CEP85L: variants seen among roughly 807,000 people sequenced by gnomAD.
CEP85L encodes the protein centrosomal protein of 85 kDa-like.
CEP85L carries 60 observed loss-of-function variants against 100.3 expected under a neutral mutation model. That is an observed-to-expected ratio of 0.60 (90% CI 0.49 to 0.74). The LOEUF (loss-of-function observed/expected upper bound fraction) is 0.74, where lower values mean the gene tolerates loss of function less well. Ranked by LOEUF, CEP85L falls within the 30% of genes least tolerant of loss-of-function variation. CEP85L has a pLI of 0.00. For missense variants in CEP85L, 973 were observed against 936.2 expected (o/e 1.04, Z -0.51); for synonymous variants, 319 against 322.7 (o/e 0.99, Z 0.12).
At chr6:118,469,372 T>A in intron 11 of CEP85L, 69 bp from the exon 12 acceptor site, 1 of 1,210,140 alleles carries the variant, frequency 8.3e-7, no homozygotes, top group Non-Finnish European at 1.2e-6. Flanking sequence ...CCATACAGGT[T>A]AACATTCTCC....
chr6:118,604,418 T>C (rs62422221), intron 2 of CEP85L, among the ~76,000 whole-genome samples: 20,325 of 152,238 alleles, frequency 0.13, 1,727 homozygotes, highest in Non-Finnish European at 0.18. Context: ...CTGTTCAAAC[T>C]TTTAGCTTTA....
intron 1 of CEP85L, among the ~76,000 whole-genome samples, chr6:118,709,352 G>A (rs1249657982): frequency 6.6e-6 from 1 of 152,132 alleles, no homozygotes; most frequent in Non-Finnish European, 1.5e-5. Context: ...GCTTTGTAAA[G>A]TATGTCAAAC....
intron 2 of CEP85L, among the ~76,000 whole-genome samples, chr6:118,629,133 T>C (rs9489481): frequency 0.029 from 4,409 of 152,152 alleles, 106 homozygotes; most frequent in African/African-American, 0.056. Context: ...TAGAGATGAT[T>C]TAAAGTATAC....
intron 1 of CEP85L, among the ~76,000 whole-genome samples, chr6:118,705,055 T>C (rs1238810700): frequency 1.3e-5 from 2 of 152,188 alleles, no homozygotes; most frequent in Non-Finnish European, 2.9e-5. Context: ...CATTCCTTTA[T>C]TCCCTGCTGT....
chr6:118,540,030 A>G (rs1390419615), intron 3 of CEP85L, among the ~76,000 whole-genome samples: 1 of 151,858 alleles, frequency 6.6e-6, no homozygotes, highest in Non-Finnish European at 1.5e-5. Context: ...AACAGGAACA[A>G]GTTGATTGCT....
At chr6:118,707,529 C>T (rs1777634041) in intron 1 of CEP85L, among the ~76,000 whole-genome samples, 1 of 152,184 alleles carries the variant, frequency 6.6e-6, no homozygotes, top group Non-Finnish European at 1.5e-5. Context: ...TTCAATTCTA[C>T]AGTGAGGAAG....
At chr6:118,705,982 C>A (rs940367907) in intron 1 of CEP85L, among the ~76,000 whole-genome samples, 1 of 152,190 alleles carries the variant, frequency 6.6e-6, no homozygotes, top group Admixed American at 6.5e-5. Context: ...TTGCTCTCAG[C>A]TTTTTGCCCA....
chr6:118,501,891 A>C, intron 5 of CEP85L: 1 of 1,213,482 alleles, frequency 8.2e-7, no homozygotes, highest in Non-Finnish European at 1.2e-6. Flanking sequence ...AATAAAAAGA[A>C]AGACAAAGAT....
chr6:118,680,844 C>G (rs1022703992), intron 1 of CEP85L, among the ~76,000 whole-genome samples: 2 of 151,392 alleles, frequency 1.3e-5, no homozygotes, highest in Non-Finnish European at 2.9e-5. Flanking sequence ...CCTCTGCACT[C>G]CAGCCTGGGC....
chr6:118,582,426 C>G (rs893933541), intron 2 of CEP85L, among the ~76,000 whole-genome samples: 1 of 152,148 alleles, frequency 6.6e-6, no homozygotes, highest in Non-Finnish European at 1.5e-5. Flanking sequence ...CCAGCAGTTC[C>G]ACAGGCAGCA....
chr6:118,652,504 A>C, upstream of CEP85L: 1 of 1,361,306 alleles, frequency 7.3e-7, no homozygotes, highest in South Asian at 1.6e-5. Flanking sequence ...GCTCTGCAGT[A>C]GGCCCATCAC....
Position 118,651,334 on chromosome 6 carries a change from C to T in CEP85L, c.-65G>A. 1.4e-6 allele frequency: 2 copies of T among 1,387,664 alleles called. No homozygotes were observed. Among genetic ancestry groups the T allele is most frequent in the Non-Finnish European group, 1.9e-6 (2 of 1,071,320 alleles). The allele number at this position is 1,387,664 out of a possible 1,614,324, so 86.0% of individuals were successfully genotyped here. On this transcript the variant is annotated 5_prime_UTR_variant, in exon 1 of 13. Coordinates refer to ENST00000368491, the MANE Select transcript of CEP85L (RefSeq NM_001042475.3). Reference sequence around the variant, plus strand: ...CCTCACGTCCGTCCTCCTGCTTCTTCGGCGGCGGAAACTTGCGCGGAGCGT... The same window carrying T: ...CCTCACGTCCGTCCTCCTGCTTCTTTGGCGGCGGAAACTTGCGCGGAGCGT...
intron 3 of CEP85L, among the ~76,000 whole-genome samples, chr6:118,525,874 T>C (rs964339685): frequency 2.0e-5 from 3 of 152,208 alleles, no homozygotes; most frequent in Non-Finnish European, 2.9e-5. Flanking sequence ...AGAATTCAAA[T>C]GTGTAGTGAT....
intron 5 of CEP85L, chr6:118,502,135 T>C: frequency 8.6e-7 from 1 of 1,159,966 alleles, no homozygotes; most frequent in South Asian, 1.5e-5. Context: ...AAGACTTCAG[T>C]CTGGAGTGAA....
chr6:118,651,653 G>A (rs1488288834), upstream of CEP85L: 7 of 981,816 alleles, frequency 7.1e-6, no homozygotes, highest in African/African-American at 1.8e-5. Context: ...GGGGCCTCGG[G>A]CAATGACTTC....
intron 3 of CEP85L, among the ~76,000 whole-genome samples, chr6:118,541,289 G>A (rs1163985248): frequency 6.6e-6 from 1 of 152,190 alleles, no homozygotes; most frequent in South Asian, 2.1e-4. Context: ...ATGCCCTTTT[G>A]CTATGCTATG....
intron 3 of CEP85L, among the ~76,000 whole-genome samples, chr6:118,563,511 G>C (rs2114988090): frequency 6.6e-6 from 1 of 152,318 alleles, no homozygotes; most frequent in East Asian, 1.9e-4. Context: ...GAGTGTTTAG[G>C]AGTTGTGCTT....
At chr6:118,709,422 G>A (rs1455575996) in intron 1 of CEP85L, among the ~76,000 whole-genome samples, 1 of 152,136 alleles carries the variant, frequency 6.6e-6, no homozygotes, top group African/African-American at 2.4e-5. Flanking sequence ...CTCAGCGCAT[G>A]CGGCTCCCCA....
chr6:118,653,846 C>T (rs1296240826), upstream of CEP85L, among the ~76,000 whole-genome samples: 1 of 150,872 alleles, frequency 6.6e-6, no homozygotes, highest in Non-Finnish European at 1.5e-5. Flanking sequence ...AGAATATAAA[C>T]TAGATCACAA....
Sources: allele counts gnomAD v4.1 joint callset (sites outside exome capture counted in the v4.1 genomes callset), GRCh38; gene constraint gnomAD v4.1.1; transcripts MANE v1.5; gene names NCBI Gene and HGNC (gene_info 2026-07-23, HGNC 2026-07-21).